Variants in WIPF2 observed in about 807,000 individuals in gnomAD.
The protein encoded by WIPF2 is WAS/WASL-interacting protein family member 2.
WIPF2 carries 23 observed loss-of-function variants against 38.8 expected under a neutral mutation model. The ratio of observed to expected loss-of-function variants is 0.59; its 90% CI spans 0.43 to 0.84. WIPF2 has a LOEUF of 0.84. Among genes scored for constraint, WIPF2 ranks in the 40% least tolerant of loss-of-function variants. The probability of loss-of-function intolerance (pLI) is 0.00; values close to 1 mark genes in which losing one functional copy is unlikely to be tolerated. For missense variants in WIPF2, 574 were observed against 580.5 expected, an observed-to-expected ratio of 0.99 and a Z score of 0.11; for synonymous variants, 210 against 223.2, an observed-to-expected ratio of 0.94 and a Z score of 0.53.
chr17:40,270,757 C>T (rs2032226635), intron 5 of WIPF2, among the ~76,000 whole-genome samples: 1 of 152,070 alleles, frequency 6.6e-6, no homozygotes, highest in South Asian at 2.1e-4. Flanking sequence ...CAAGATTTCT[C>T]TTTAATTATT....
intron 2 of WIPF2, 114 bp from the exon 3 acceptor site, chr17:40,260,421 A>G: frequency 6.2e-6 from 8 of 1,292,170 alleles, no homozygotes; most frequent in Non-Finnish European, 8.5e-6. Context: ...TCCTGACTTC[A>G]AGTGATCCAC....
At chr17:40,244,630 T>A (rs2031300332) in intron 1 of WIPF2, among the ~76,000 whole-genome samples, 1 of 152,152 alleles carries the variant, frequency 6.6e-6, no homozygotes, top group Non-Finnish European at 1.5e-5. Flanking sequence ...TTCTTTGGTT[T>A]TACAGTGTTG....
intron 1 of WIPF2, chr17:40,220,021 G>A (rs977059049): frequency 1.3e-5 from 2 of 152,236 alleles, no homozygotes; most frequent in African/African-American, 4.8e-5. Context: ...AATCTTGAGA[G>A]CGTTCTTTGA....
At chr17:40,271,108 T>C (rs1354276309) in intron 5 of WIPF2, among the ~76,000 whole-genome samples, 1 of 152,120 alleles carries the variant, frequency 6.6e-6, no homozygotes, top group Non-Finnish European at 1.5e-5. Flanking sequence ...ATATCTGGGA[T>C]TGCAGGCGTG....
intron 1 of WIPF2, among the ~76,000 whole-genome samples, chr17:40,254,645 T>C (rs1020300007): frequency 3.9e-5 from 6 of 152,170 alleles, no homozygotes; most frequent in African/African-American, 1.2e-4. Context: ...TCCAGGGATG[T>C]GACTATACCA....
At chr17:40,235,518 G>A (rs1415559506) in intron 1 of WIPF2, among the ~76,000 whole-genome samples, 3 of 150,736 alleles carry the variant, frequency 2.0e-5, no homozygotes, top group African/African-American at 7.3e-5. Flanking sequence ...AAGCACATTA[G>A]TGGAGCACCT....
Position 40,274,931 on chromosome 17 carries a change from C to CAAACAA in WIPF2, c.1180+935_1180+936insCAAAAA, listed in dbSNP as rs1555564783. On this transcript the variant is annotated intron_variant, in intron 6 of 7. Coordinates refer to ENST00000323571, the MANE Select transcript of WIPF2 (RefSeq NM_133264.5). ...TGGGCGACAGAGAGAGAATCTGTCT[C>CAAACAA]AAAAAAAAAAAAAAAAAAAAAAAGT... Among the ~76,000 whole-genome samples the CAAACAA allele has an allele frequency of 6.0e-3, 272 of 45,580 alleles. 2 individuals carry two copies. Among genetic ancestry groups the CAAACAA allele is most frequent in the African/African-American group, 0.022 (259 of 11,880 alleles). 29.9% of individuals were successfully genotyped at this position (45,580 alleles called of 152,430 possible). A position where few individuals can be genotyped will look rare whatever the true frequency, so the allele number is the denominator to read the frequency against.
intron 1 of WIPF2, among the ~76,000 whole-genome samples, chr17:40,229,106 C>A (rs2030630876): frequency 6.6e-6 from 1 of 151,576 alleles, no homozygotes; most frequent in Admixed American, 6.6e-5. Context: ...TGCCAAGTTG[C>A]CCAGGCTGGT....
rs958110848 is a variant in WIPF2 at position 40,242,488 on chromosome 17, C to T, written c.-69-13903C>T. Among the ~76,000 whole-genome samples, 51 of 152,288 alleles carry T rather than the reference C, an allele frequency of 3.3e-4. 1 individual carries two copies. The highest frequency in any genetic ancestry group is 1.1e-3 in the Admixed American group (17 of 15,286). ...AATCTCAGCTCGCTGCAACCTCCGCCTGCCGAGTTCAAGTGATTCTCCTGC... is the reference window on the plus strand; with the variant it reads ...AATCTCAGCTCGCTGCAACCTCCGCTTGCCGAGTTCAAGTGATTCTCCTGC... On this transcript the variant is annotated intron_variant, in intron 1 of 7. Transcript: ENST00000323571.
At chr17:40,228,652 A>G (rs2030604741) in intron 1 of WIPF2, among the ~76,000 whole-genome samples, 1 of 151,460 alleles carries the variant, frequency 6.6e-6, no homozygotes, top group African/African-American at 2.4e-5. Context: ...TTTTTGAGAC[A>G]GAGTCTCTCT....
chr17:40,249,536 G>C (rs964384182), intron 1 of WIPF2, among the ~76,000 whole-genome samples: 8 of 150,694 alleles, frequency 5.3e-5, no homozygotes, highest in African/African-American at 2.0e-4. Context: ...TGCAACCTCT[G>C]TCTGCCTCCT....
At chr17:40,247,404 G>T (rs1180982030) in intron 1 of WIPF2, among the ~76,000 whole-genome samples, 1 of 149,506 alleles carries the variant, frequency 6.7e-6, no homozygotes, top group African/African-American at 2.5e-5. Flanking sequence ...TTTTTAGTAG[G>T]GATGGGGTTT....
At chr17:40,254,373 AGGTTGGTTACCATC>A (rs2031654618) in intron 1 of WIPF2, among the ~76,000 whole-genome samples, 1 of 151,930 alleles carries the variant, frequency 6.6e-6, no homozygotes, top group African/African-American at 2.4e-5. Context: ...TTGATTGGTG[AGGTTGGTTACCATC>A]TTGAACCTTT....
At position 40,239,007 on chromosome 17, in the gene WIPF2, A is replaced by G. The variant is rs200470451; in HGVS notation, c.-69-17384A>G. Among the ~76,000 whole-genome samples the G allele has an allele frequency of 2.2e-4, 33 of 152,178 alleles. No individual in the cohort carries two copies. The East Asian group carries it at 3.5e-3, about 16-fold the overall frequency. On this transcript the variant is annotated intron_variant, in intron 1 of 7. Transcript: ENST00000323571. ...CTCCTACCTCCAAGTAGCTGGGACT[A>G]CAGGCTCATGCCACTGTGTCTGGCT...
At chr17:40,220,588 T>C (rs1366495055) in intron 1 of WIPF2, 1 of 70,414 alleles carries the variant, frequency 1.4e-5, no homozygotes, top group African/African-American at 6.5e-5. Context: ...TATATATATA[T>C]ATATATATAT....
rs79582766 is a variant in WIPF2, at chr17:40,229,971, A to C, written c.-70+10479A>C. ...ATTTTGAGGAATTGAAAGAGGTTCC[A>C]GTGTGGCTGGAGCTTAGGGAGTGAA... On this transcript the variant is annotated intron_variant, in intron 1 of 7. Transcript: ENST00000323571. Among the ~76,000 whole-genome samples the C allele has an allele frequency of 3.8e-3, 581 of 152,272 alleles. 2 individuals are homozygous for C. The highest frequency in any genetic ancestry group is 0.014 in the African/African-American group (561 of 41,550).
chr17:40,226,976 A>G (rs1185743047), intron 1 of WIPF2, among the ~76,000 whole-genome samples: 1 of 150,202 alleles, frequency 6.7e-6, no homozygotes, highest in East Asian at 2.0e-4. Context: ...CTCCTGACCT[A>G]GTGATCTTTC....
intron 1 of WIPF2, among the ~76,000 whole-genome samples, chr17:40,248,517 A>G (rs1182978489): frequency 6.6e-6 from 1 of 152,130 alleles, no homozygotes; most frequent in Non-Finnish European, 1.5e-5. Context: ...TTTGTTACCC[A>G]GGCTGGTCTC....
chr17:40,261,417 C>A (rs1289316826), intron 3 of WIPF2, among the ~76,000 whole-genome samples: 1 of 151,992 alleles, frequency 6.6e-6, no homozygotes, highest in Non-Finnish European at 1.5e-5. Context: ...TATGCCTCAG[C>A]CTGCCAAGTA....
Sources: allele counts gnomAD v4.1 joint callset (sites outside exome capture counted in the v4.1 genomes callset), GRCh38; gene constraint gnomAD v4.1.1; transcripts MANE v1.5; gene names NCBI Gene and HGNC (gene_info 2026-07-23, HGNC 2026-07-21).